C7: variants seen among roughly 807,000 people sequenced by gnomAD.
C7 encodes complement component C7.
C7 carries 83 observed loss-of-function variants against 104.8 expected under a neutral mutation model. That is an observed-to-expected ratio of 0.79 (90% CI 0.66 to 0.95). The LOEUF (loss-of-function observed/expected upper bound fraction) is 0.95, where lower values mean the gene tolerates loss of function less well. Ranked by LOEUF, C7 falls within the 40% of genes least tolerant of loss-of-function variation. The pLI is 0.00. For synonymous variants in C7, 415 were observed against 360.6 expected (o/e 1.15, Z -1.71); for missense variants, 1,070 against 1,011.2 (o/e 1.06, Z -0.79).
intron 16 of C7, among the ~76,000 whole-genome samples, chr5:40,977,112 G>A (rs1400124621): frequency 6.6e-6 from 1 of 152,110 alleles, no homozygotes; most frequent in East Asian, 1.9e-4. Flanking sequence ...GGAGCAAAAT[G>A]GCAAAACTGT....
intron 4 of C7, among the ~76,000 whole-genome samples, chr5:40,936,043 C>T (rs764799138): frequency 1.8e-4 from 27 of 151,980 alleles, no homozygotes; most frequent in Admixed American, 2.0e-4. Flanking sequence ...TCTCAGTAGT[C>T]GGAATTATAT....
chr5:40,948,580 C>G (rs1156896367), intron 8 of C7, among the ~76,000 whole-genome samples: 1 of 152,074 alleles, frequency 6.6e-6, no homozygotes, highest in Non-Finnish European at 1.5e-5. Flanking sequence ...AGGACATACC[C>G]CTGAATTAAT....
At chr5:40,921,234 C>G (rs1177973723) in intron 1 of C7, among the ~76,000 whole-genome samples, 1 of 151,600 alleles carries the variant, frequency 6.6e-6, no homozygotes, top group Non-Finnish European at 1.5e-5. Flanking sequence ...AATAAAATAC[C>G]AAGGAATAAA....
chr5:40,981,129 A>G (rs1740932510), intron 17 of C7, among the ~76,000 whole-genome samples: 1 of 152,160 alleles, frequency 6.6e-6, no homozygotes, highest in Admixed American at 6.5e-5. Context: ...GAGATAGTTG[A>G]AGAGCTCTTG....
intron 17 of C7, chr5:40,980,442 C>T (rs1484817647): frequency 6.6e-6 from 1 of 152,380 alleles, no homozygotes; most frequent in South Asian, 2.1e-4. Context: ...ACCAAGCTGA[C>T]ACTTTCTTCT....
At chr5:40,970,458 G>C (rs559116904) in intron 14 of C7, among the ~76,000 whole-genome samples, 1 of 152,132 alleles carries the variant, frequency 6.6e-6, no homozygotes, top group Non-Finnish European at 1.5e-5. Context: ...CAGATGAAAA[G>C]TCAGGGAACA....
At chr5:40,974,242 T>A (rs905330997) in intron 15 of C7, among the ~76,000 whole-genome samples, 4 of 152,154 alleles carry the variant, frequency 2.6e-5, no homozygotes, top group Non-Finnish European at 5.9e-5. Context: ...TTAGTCTTGA[T>A]GGGAATAAAT....
At position 40,936,464 on chromosome 5, in the gene C7, A is replaced by T; in HGVS notation, c.407A>T (p.Asn136Ile). ...TGTGATATCGATAAACCTCCTCCTA[A>T]CATAGAACTTACTGGAAATGGGTAA... ...PSCDIDKPPP[N>I]IELTGNGYNE... Residue 136 changes from asparagine (N) to isoleucine (I), a missense_variant, in exon 5 of 18, where the codon AAC (asparagine) becomes ATC (isoleucine). By Grantham distance (149) the Asn-to-Ile change is moderately radical. Coordinates refer to ENST00000313164, the MANE Select transcript of C7 (RefSeq NM_000587.4). 1.2e-6 allele frequency: 2 copies of T among 1,613,138 alleles called. No homozygotes were observed. Among genetic ancestry groups the T allele is most frequent in the Non-Finnish European group, 1.7e-6 (2 of 1,179,404 alleles).
At chr5:40,925,470 G>A (rs1186653286) in intron 1 of C7, among the ~76,000 whole-genome samples, 3 of 152,226 alleles carry the variant, frequency 2.0e-5, no homozygotes, top group Non-Finnish European at 1.5e-5. Flanking sequence ...GAAATTTCAA[G>A]TTTTCTTTCA....
intron 8 of C7, among the ~76,000 whole-genome samples, chr5:40,949,119 G>A (rs1021248111): frequency 6.6e-6 from 1 of 151,208 alleles, no homozygotes. Context: ...GAAATGGAGA[G>A]GATTAAAAAA....
intron 2 of C7, among the ~76,000 whole-genome samples, chr5:40,929,239 A>T (rs1739623339): frequency 6.6e-6 from 1 of 152,158 alleles, no homozygotes. Context: ...GAGCCAGTTC[A>T]TTGCAATATG....
rs1358892272 is a variant in C7, at chr5:40,955,480, C to T, written c.1187C>T (p.Pro396Leu). 6.2e-7 allele frequency: 1 copy of T among 1,613,476 alleles called. No individual in the cohort carries two copies. Among genetic ancestry groups the T allele is most frequent in the Non-Finnish European group, 8.5e-7 (1 of 1,179,614 alleles). Reference protein sequence around the residue: ...SGLSYLELDNPAGNKRRYSAW... With the variant: ...SGLSYLELDNLAGNKRRYSAW... ...CTTAGTTACCTAGAGCTGGACAATC[C>T]TGCTGGAAACAAAAGGCGATATTCT... Residue 396 changes from proline (P) to leucine (L), a missense_variant, in exon 10 of 18, where the codon CCT becomes CTT. By Grantham distance (98) the Pro-to-Leu change is moderately conservative. Transcript: ENST00000313164.
At chr5:40,943,249 A>G (rs1179561551) in intron 6 of C7, among the ~76,000 whole-genome samples, 2 of 152,240 alleles carry the variant, frequency 1.3e-5, no homozygotes, top group Non-Finnish European at 2.9e-5. Flanking sequence ...AAGTGGAAGA[A>G]CATGTTTCTA....
chr5:40,967,114 G>A (rs966781053), intron 14 of C7, among the ~76,000 whole-genome samples: 14 of 148,986 alleles, frequency 9.4e-5, no homozygotes, highest in Admixed American at 2.7e-4. Context: ...TCGCCAGGCT[G>A]GAGTGCAGTG....
intron 10 of C7, among the ~76,000 whole-genome samples, chr5:40,957,706 G>C (rs1043193975): frequency 6.6e-6 from 1 of 151,726 alleles, no homozygotes; most frequent in Non-Finnish European, 1.5e-5. Flanking sequence ...CCCCCCTGCC[G>C]CAGCCTCTCA....
chr5:40,947,910 A>G, intron 8 of C7, 65 bp downstream of exon 8: 1 of 1,457,146 alleles, frequency 6.9e-7, no homozygotes, highest in Non-Finnish European at 9.5e-7. Context: ...AATAACATGT[A>G]GTTAATGTAA....
At chr5:40,912,611 G>T (rs980674691) in intron 1 of C7, among the ~76,000 whole-genome samples, 3 of 152,002 alleles carry the variant, frequency 2.0e-5, no homozygotes, top group Admixed American at 6.6e-5. Flanking sequence ...CTACCACTTT[G>T]TCCTCCCCAA....
At position 40,979,894 on chromosome 5, in the gene C7, T is replaced by C; in HGVS notation, c.2335T>C (p.Trp779Arg). The C allele has an allele frequency of 6.3e-7, 1 of 1,589,284 alleles. No homozygotes were observed. The highest frequency in any genetic ancestry group is 1.1e-5 in the South Asian group (1 of 87,564). The change falls in exon 17 of 18, where the codon TGG (tryptophan) becomes CGG (arginine). Residue 779 changes from tryptophan to arginine, a missense_variant. Physicochemically the swap from Trp to Arg is moderately radical, Grantham distance 101. Coordinates refer to ENST00000313164, the MANE Select transcript of C7 (RefSeq NM_000587.4). ...AEKACGACPL[W>R]GKCDAESSKC... Reference sequence around the variant, plus strand: ...GAAAGCTTGTGGTGCCTGCCCACTGTGGGGAAAATGTGATGGTAAGGGGCC... The same window carrying C: ...GAAAGCTTGTGGTGCCTGCCCACTGCGGGGAAAATGTGATGGTAAGGGGCC...
At chr5:40,975,659 C>T (rs1372042060) in intron 15 of C7, among the ~76,000 whole-genome samples, 3 of 152,140 alleles carry the variant, frequency 2.0e-5, no homozygotes, top group African/African-American at 2.4e-5. Flanking sequence ...CCACCGCGCC[C>T]AGCCAAGAGA....
Sources: allele counts gnomAD v4.1 joint callset (sites outside exome capture counted in the v4.1 genomes callset), GRCh38; gene constraint gnomAD v4.1.1; transcripts MANE v1.5; gene names NCBI Gene and HGNC (gene_info 2026-07-23, HGNC 2026-07-21).